KCNAB1: variants seen among roughly 807,000 people sequenced by gnomAD.
The protein encoded by KCNAB1 is voltage-gated potassium channel subunit beta-1.
In KCNAB1, 35 loss-of-function variants were observed where a neutral mutation model predicts 64.6. That is an observed-to-expected ratio of 0.54 (90% CI 0.41 to 0.72). KCNAB1 has a LOEUF of 0.72. Among genes scored for constraint, KCNAB1 ranks in the 30% least tolerant of loss-of-function variants. The probability of loss-of-function intolerance (pLI) is 0.00; values close to 1 mark genes in which losing one functional copy is unlikely to be tolerated. For synonymous variants in KCNAB1, 177 were observed against 183.8 expected (o/e 0.96, Z 0.30); for missense variants, 401 against 512.9 (o/e 0.78, Z 2.11).
At chr3:156,203,778 ATTCT>A (rs1418892470) in intron 1 of KCNAB1, among the ~76,000 whole-genome samples, 1 of 152,174 alleles carries the variant, frequency 6.6e-6, no homozygotes, top group Non-Finnish European at 1.5e-5. Flanking sequence ...TCCAATCCAG[ATTCT>A]TTCTATCAAA....
chr3:156,511,467 G>A (rs75919709), intron 8 of KCNAB1, among the ~76,000 whole-genome samples: 2 of 152,044 alleles, frequency 1.3e-5, no homozygotes, highest in African/African-American at 2.4e-5. Flanking sequence ...AAGAACCCTC[G>A]ATTTTTCTCC....
intron 1 of KCNAB1, among the ~76,000 whole-genome samples, chr3:156,336,186 C>G (rs1361115740): frequency 6.6e-6 from 1 of 152,056 alleles, no homozygotes; most frequent in East Asian, 1.9e-4. Context: ...ATGGCGAAAC[C>G]CCGACTCTAC....
chr3:156,300,733 T>C (rs1228050291), intron 1 of KCNAB1, among the ~76,000 whole-genome samples: 2 of 152,142 alleles, frequency 1.3e-5, no homozygotes, highest in Admixed American at 1.3e-4. Flanking sequence ...TGCTGACACA[T>C]AGCAATTCTT....
At chr3:156,205,523 C>T (rs1309183271) in intron 1 of KCNAB1, among the ~76,000 whole-genome samples, 1 of 152,162 alleles carries the variant, frequency 6.6e-6, no homozygotes, top group Non-Finnish European at 1.5e-5. Flanking sequence ...GACAGAACAT[C>T]CTTGTTAGTA....
chr3:156,345,253 T>C (rs1370546410), intron 1 of KCNAB1, among the ~76,000 whole-genome samples: 9 of 152,232 alleles, frequency 5.9e-5, no homozygotes, highest in South Asian at 2.1e-4. Context: ...ATTTAGTTAC[T>C]TTTTTAAATT....
chr3:156,450,902 TATA>T (rs1158874114), intron 2 of KCNAB1, among the ~76,000 whole-genome samples: 1 of 149,374 alleles, frequency 6.7e-6, no homozygotes, highest in East Asian at 2.1e-4. Flanking sequence ...ATTTTTTTCT[TATA>T]ATAATTGTTT....
chr3:156,284,550 G>A (rs1719969851), intron 1 of KCNAB1, among the ~76,000 whole-genome samples: 3 of 152,196 alleles, frequency 2.0e-5, no homozygotes, highest in Non-Finnish European at 4.4e-5. Context: ...GCAATGGCGG[G>A]CTCCCCTCCC....
At chr3:156,433,106 T>C (rs1331466487) in intron 2 of KCNAB1, among the ~76,000 whole-genome samples, 1 of 152,200 alleles carries the variant, frequency 6.6e-6, no homozygotes, top group Non-Finnish European at 1.5e-5. Flanking sequence ...TTCACAAAGA[T>C]GCAGTAGACG....
chr3:156,339,889 C>T (rs1274977468), intron 1 of KCNAB1, among the ~76,000 whole-genome samples: 1 of 152,178 alleles, frequency 6.6e-6, no homozygotes, highest in Non-Finnish European at 1.5e-5. Flanking sequence ...CAGGATGATC[C>T]AGTTCATTCC....
intron 1 of KCNAB1, among the ~76,000 whole-genome samples, chr3:156,274,059 A>C (rs926194486): frequency 6.6e-6 from 1 of 152,208 alleles, no homozygotes; most frequent in African/African-American, 2.4e-5. Context: ...ATGCATATGG[A>C]TGTTGGCGAT....
rs556883744 is a variant in KCNAB1, at chr3:156,167,871, A to T, written c.275+46985A>T. 3.3e-5 allele frequency among the ~76,000 whole-genome samples: 5 copies of T among 152,248 alleles called. No homozygotes were observed. In the South Asian group the frequency reaches 8.3e-4, roughly 25 times the overall value. ...TCATTTTTGATATCTATTAAATGAGAGGGGTTGGACAGAATGCTCTCTATA... is the reference window on the plus strand; with the variant it reads ...TCATTTTTGATATCTATTAAATGAGTGGGGTTGGACAGAATGCTCTCTATA... On this transcript the variant is annotated intron_variant, in intron 1 of 13. Coordinates refer to ENST00000490337, the MANE Select transcript of KCNAB1 (RefSeq NM_172160.3).
intron 1 of KCNAB1, among the ~76,000 whole-genome samples, chr3:156,411,191 T>C (rs902724128): frequency 2.0e-5 from 3 of 152,180 alleles, no homozygotes; most frequent in Non-Finnish European, 4.4e-5. Context: ...TTCCTAATGG[T>C]GTTGAGCATT....
At chr3:156,297,759 C>CGTGT (rs146355589) in intron 1 of KCNAB1, among the ~76,000 whole-genome samples, 14 of 150,828 alleles carry the variant, frequency 9.3e-5, no homozygotes, top group African/African-American at 2.9e-4. Context: ...GCACTTAGCG[C>CGTGT]GTGTGTGTGT....
chr3:156,157,118 A>G (rs1442121573), intron 1 of KCNAB1, among the ~76,000 whole-genome samples: 6 of 152,246 alleles, frequency 3.9e-5, no homozygotes. Flanking sequence ...GGACTGAGAG[A>G]GACCATTGGA....
chr3:156,324,316 A>T (rs1037123708), intron 1 of KCNAB1, among the ~76,000 whole-genome samples: 8 of 152,268 alleles, frequency 5.3e-5, no homozygotes, highest in African/African-American at 1.9e-4. Context: ...TATTTTCTAT[A>T]TTAGTCTATA....
intron 2 of KCNAB1, among the ~76,000 whole-genome samples, chr3:156,430,521 GACGATCTC>G (rs941692992): frequency 7.2e-5 from 11 of 152,288 alleles, no homozygotes; most frequent in African/African-American, 2.6e-4. Context: ...CATTTATAAA[GACGATCTC>G]ACTAAACATC....
intron 1 of KCNAB1, chr3:156,290,853 C>A: frequency 1.9e-6 from 1 of 533,794 alleles, no homozygotes; most frequent in Non-Finnish European, 2.4e-6. Flanking sequence ...AAAAAGTCTG[C>A]ACTGTGGCAT....
At chr3:156,478,735 C>G (rs1305633199) in intron 8 of KCNAB1, among the ~76,000 whole-genome samples, 17 of 152,156 alleles carry the variant, frequency 1.1e-4, no homozygotes, top group Admixed American at 1.1e-3. Context: ...CCAAGACGAG[C>G]TTCATCCAGT....
At chr3:156,459,595 C>T (rs930301550) in intron 4 of KCNAB1, among the ~76,000 whole-genome samples, 6 of 151,942 alleles carry the variant, frequency 3.9e-5, no homozygotes, top group Non-Finnish European at 1.5e-5. Flanking sequence ...GGACTGCAGG[C>T]GGTCTCCTGC....
Sources: allele counts gnomAD v4.1 joint callset (sites outside exome capture counted in the v4.1 genomes callset), GRCh38; gene constraint gnomAD v4.1.1; transcripts MANE v1.5; gene names NCBI Gene and HGNC (gene_info 2026-07-23, HGNC 2026-07-21).